Variants in EXOC4 observed in about 807,000 individuals in gnomAD.
EXOC4 encodes the protein SEC8-like 1.
In EXOC4, 71 loss-of-function variants were observed where a neutral mutation model predicts 107.2. The observed-to-expected ratio is 0.66, with a 90% CI of 0.55 to 0.81. The LOEUF is 0.81. Among genes scored for constraint, EXOC4 ranks in the 30% least tolerant of loss-of-function variants. The pLI, the probability that EXOC4 is intolerant of heterozygous loss-of-function variation, is 0.00. For synonymous variants in EXOC4, 456 were observed against 441.2 expected (o/e 1.03, Z -0.42); for missense variants, 1,108 against 1,189.6 (o/e 0.93, Z 1.01).
intron 9 of EXOC4, among the ~76,000 whole-genome samples, chr7:133,548,662 C>G (rs1378015011): frequency 1.3e-5 from 2 of 152,312 alleles, no homozygotes; most frequent in Non-Finnish European, 1.5e-5. Flanking sequence ...AATGAACCAG[C>G]CTCTGTTAGC....
At chr7:134,074,892 A>G in the EXOC4 span, among the ~76,000 whole-genome samples, 1 of 152,238 alleles carries the variant, frequency 6.6e-6, no homozygotes, top group Non-Finnish European at 1.5e-5. Flanking sequence ...TTAGTCAAAT[A>G]CAACTTAACT....
intron 9 of EXOC4, among the ~76,000 whole-genome samples, chr7:133,546,414 C>G (rs1485184188): frequency 1.3e-5 from 2 of 151,994 alleles, no homozygotes; most frequent in Non-Finnish European, 2.9e-5. Context: ...TGCCACCATA[C>G]CCAGCTAATT....
chr7:133,863,921 G>T (rs1048177802), intron 11 of EXOC4, among the ~76,000 whole-genome samples: 1 of 152,030 alleles, frequency 6.6e-6, no homozygotes, highest in Non-Finnish European at 1.5e-5. Context: ...TGAGTTGTTT[G>T]TTTTCTGCTT....
intron 10 of EXOC4, among the ~76,000 whole-genome samples, chr7:133,792,419 G>T (rs535953409): frequency 6.6e-6 from 1 of 151,950 alleles, no homozygotes; most frequent in Admixed American, 6.5e-5. Flanking sequence ...CGAGTGGTGT[G>T]GCACGCACCT....
At chr7:133,754,865 A>G (rs1415836132) in intron 10 of EXOC4, among the ~76,000 whole-genome samples, 2 of 152,010 alleles carry the variant, frequency 1.3e-5, no homozygotes, top group Non-Finnish European at 2.9e-5. Flanking sequence ...TTTTCTCTAC[A>G]TATTTGCCCT....
intron 9 of EXOC4, among the ~76,000 whole-genome samples, chr7:133,606,585 G>A (rs989608084): frequency 1.3e-5 from 2 of 150,958 alleles, no homozygotes; most frequent in East Asian, 3.9e-4. Flanking sequence ...TGCATTCTCG[G>A]CTCACTGAAA....
At chr7:133,526,399 A>T (rs1328995575) in intron 9 of EXOC4, among the ~76,000 whole-genome samples, 1 of 152,194 alleles carries the variant, frequency 6.6e-6, no homozygotes, top group Admixed American at 6.5e-5. Flanking sequence ...CCAGTTATTC[A>T]CTGGACTAAG....
At chr7:133,341,220 A>T (rs1185084873) in intron 5 of EXOC4, among the ~76,000 whole-genome samples, 1 of 152,102 alleles carries the variant, frequency 6.6e-6, no homozygotes, top group African/African-American at 2.4e-5. Flanking sequence ...AGAAGTTTTG[A>T]TAGGTTGTAT....
rs146085511 is a variant in EXOC4 at position 133,268,232 on chromosome 7, G to A, written c.87-6750G>A. Among the ~76,000 whole-genome samples the A allele has an allele frequency of 3.7e-3, 568 of 152,290 alleles. 4 individuals carry two copies. The highest frequency in any genetic ancestry group is 7.1e-3 in the Admixed American group (109 of 15,298). On this transcript the variant is annotated intron_variant, in intron 1 of 17. Coordinates refer to ENST00000253861, the MANE Select transcript of EXOC4 (RefSeq NM_021807.4). The stretch of plus-strand genomic sequence containing the variant: ...AGCAACTTGAAAGTTGCAGAGCTCC[G>A]TTTGAATCTGGGTGTTTTAAAATTC...
intron 3 of EXOC4, among the ~76,000 whole-genome samples, chr7:133,291,734 A>C (rs927168008): frequency 6.6e-6 from 1 of 152,082 alleles, no homozygotes; most frequent in African/African-American, 2.4e-5. Context: ...CAGTGTTCTA[A>C]GAGAATCTCC....
chr7:133,592,370 A>G (rs1801569780), intron 9 of EXOC4, among the ~76,000 whole-genome samples: 1 of 152,142 alleles, frequency 6.6e-6, no homozygotes, highest in Admixed American at 6.5e-5. Flanking sequence ...GTGCATAGAG[A>G]AATGTTTATA....
chr7:133,255,965 G>A (rs1584752550), intron 1 of EXOC4, among the ~76,000 whole-genome samples: 1 of 149,744 alleles, frequency 6.7e-6, no homozygotes, highest in African/African-American at 2.4e-5. Context: ...TTGCAACATT[G>A]TATTCATTAT....
chr7:133,330,633 T>A (rs1011769449), intron 5 of EXOC4, among the ~76,000 whole-genome samples: 2 of 145,382 alleles, frequency 1.4e-5, no homozygotes, highest in African/African-American at 2.5e-5. Flanking sequence ...GAGTGCACTG[T>A]TCCTCACGGC....
chr7:133,909,922 T>A (rs970921368), intron 12 of EXOC4, among the ~76,000 whole-genome samples: 51 of 130,884 alleles, frequency 3.9e-4, no homozygotes, highest in Non-Finnish European at 3.3e-4. Flanking sequence ...GAGACAGATT[T>A]TTTTTTTTTT....
intron 10 of EXOC4, among the ~76,000 whole-genome samples, chr7:133,781,737 A>G (rs1365345207): frequency 2.6e-5 from 4 of 152,184 alleles, no homozygotes; most frequent in Admixed American, 2.0e-4. Context: ...GAGGCTCAGC[A>G]GTGACTCATC....
chr7:133,664,030 T>C (rs1216845852), intron 10 of EXOC4, among the ~76,000 whole-genome samples: 1 of 152,160 alleles, frequency 6.6e-6, no homozygotes, highest in Non-Finnish European at 1.5e-5. Context: ...CTCTCAGCTA[T>C]TCCTTGAACC....
At chr7:133,884,411 C>A (rs56358145) in intron 11 of EXOC4, among the ~76,000 whole-genome samples, 1 of 152,082 alleles carries the variant, frequency 6.6e-6, no homozygotes, top group African/African-American at 2.4e-5. Context: ...GCTGGTGTTC[C>A]ATGAAATCGG....
chr7:133,285,140 A>G (rs1286300557), intron 2 of EXOC4, among the ~76,000 whole-genome samples: 1 of 152,114 alleles, frequency 6.6e-6, no homozygotes, highest in Non-Finnish European at 1.5e-5. Flanking sequence ...TTTTGGTTAA[A>G]TAGATGATCA....
At chr7:133,576,960 G>C (rs1223108107) in intron 9 of EXOC4, 23 of 931,728 alleles carry the variant, frequency 2.5e-5, no homozygotes, top group Non-Finnish European at 3.2e-5. Context: ...GTAGGTGAGT[G>C]AGAGTGAGAA....
Sources: gnomAD v4.1 joint callset for allele counts (sites outside exome capture counted in the v4.1 genomes callset) on GRCh38, gnomAD v4.1.1 for gene constraint, MANE v1.5 for transcripts, NCBI Gene and HGNC (gene_info 2026-07-23, HGNC 2026-07-21) for gene names.